KATNAL1: variants seen among roughly 807,000 people sequenced by gnomAD.
KATNAL1 encodes katanin catalytic subunit A1 like 1.
A neutral mutation model predicts 55.2 loss-of-function variants in KATNAL1; 32 were observed. The ratio of observed to expected loss-of-function variants is 0.58; its 90% CI spans 0.44 to 0.78. The LOEUF is 0.78. Among genes scored for constraint, KATNAL1 ranks in the 30% least tolerant of loss-of-function variants. The probability of loss-of-function intolerance (pLI) is 0.00; values close to 1 mark genes in which losing one functional copy is unlikely to be tolerated. For missense variants in KATNAL1, 466 were observed against 600.9 expected (o/e 0.78, Z 2.35); for synonymous variants, 193 against 193.6 (o/e 1.00, Z 0.02).
chr13:30,265,074 G>A (rs1593912297), intron 3 of KATNAL1, among the ~76,000 whole-genome samples: 2 of 151,492 alleles, frequency 1.3e-5, no homozygotes, highest in East Asian at 3.9e-4. Context: ...TCCCTTGTAG[G>A]GACATGGATG....
intron 4 of KATNAL1, among the ~76,000 whole-genome samples, chr13:30,254,747 C>A (rs762293241): frequency 6.6e-6 from 1 of 152,014 alleles, no homozygotes; most frequent in Admixed American, 6.5e-5. Flanking sequence ...TATGACATCA[C>A]GGTGGAAACA....
intron 9 of KATNAL1, among the ~76,000 whole-genome samples, chr13:30,224,724 T>C (rs1875266842): frequency 1.3e-5 from 2 of 152,212 alleles, no homozygotes; most frequent in African/African-American, 2.4e-5. Context: ...ATTAACAATA[T>C]TGATAAATTT....
intron 4 of KATNAL1, among the ~76,000 whole-genome samples, chr13:30,253,396 T>G (rs2137457353): frequency 6.6e-6 from 1 of 152,290 alleles, no homozygotes; most frequent in Admixed American, 6.5e-5. Context: ...AACTAAGATT[T>G]AGAAAATCAT....
In KATNAL1 at chr13:30,231,341, C is replaced by T. The variant is rs1237482502; in HGVS notation, c.858G>A (p.Glu286=). ...TLTSKYRGES[E]KLVRLLFEMA... is the part of the protein sequence containing the mutation. Reference sequence around the variant, plus strand: ...TCTCAAACAACAGACGAACTAACTTCTCAGATTCACCTCTGTATTTAGATG... The same window carrying T: ...TCTCAAACAACAGACGAACTAACTTTTCAGATTCACCTCTGTATTTAGATG... The change falls in exon 7 of 11, where the codon GAG becomes GAA. Residue 286 remains glutamate (E), a synonymous_variant. Transcript: ENST00000380615. 1 of 1,607,220 alleles carries T rather than the reference C, an allele frequency of 6.2e-7. No individual in the cohort carries two copies. Among genetic ancestry groups the T allele is most frequent in the Non-Finnish European group, 8.5e-7 (1 of 1,176,842 alleles).
At chr13:30,253,497 A>G (rs973321283) in intron 4 of KATNAL1, among the ~76,000 whole-genome samples, 2 of 152,014 alleles carry the variant, frequency 1.3e-5, no homozygotes, top group African/African-American at 4.8e-5. Flanking sequence ...CAACGCCTCC[A>G]CTAAAAATAC....
chr13:30,256,634 A>G lies in KATNAL1; in HGVS notation c.324-1019T>C, dbSNP rs544439220. Among the ~76,000 whole-genome samples the G allele has an allele frequency of 2.0e-5, 3 of 152,188 alleles. No homozygotes were observed. In the South Asian group the frequency reaches 6.2e-4, roughly 32 times the overall value. The stretch of plus-strand genomic sequence containing the variant: ...AAAAGGTGACACATATGCATAATTC[A>G]AAGATAGGAAAATGGATAAAAAGCC... On this transcript the variant is annotated intron_variant, in intron 3 of 10. Transcript: ENST00000380615.
chr13:30,282,562 C>T (rs1566127271), intron 2 of KATNAL1, among the ~76,000 whole-genome samples: 1 of 151,618 alleles, frequency 6.6e-6, no homozygotes, highest in African/African-American at 2.4e-5. Context: ...CGCTTGAGCC[C>T]AGGAGTTTGA....
chr13:30,251,139 C>CA (rs34899786), intron 4 of KATNAL1, among the ~76,000 whole-genome samples: 36,078 of 85,656 alleles, frequency 0.42, 6,791 homozygotes, highest in Admixed American at 0.51. Context: ...GACTCTGCCT[C>CA]AAAAAAAAAA....
chr13:30,224,830 A>G (rs1875279615), intron 9 of KATNAL1, among the ~76,000 whole-genome samples: 1 of 152,212 alleles, frequency 6.6e-6, no homozygotes. Context: ...AAGGAAAATA[A>G]GGTGTGTAGA....
chr13:30,209,925 G>T lies in KATNAL1; in HGVS notation c.1274+391C>A, dbSNP rs771116585. Among the ~76,000 whole-genome samples, 3 of 152,098 alleles carry T rather than the reference G, an allele frequency of 2.0e-5. No homozygotes were observed. In the East Asian group the frequency reaches 5.8e-4, roughly 29 times the overall value. ...GCCTCCCGAGTAGCTGGAACTACAG[G>T]TGTCCGCCACCACACCTGGCTAATT... On this transcript the variant is annotated intron_variant, in intron 10 of 10. Transcript: ENST00000380615.
At chr13:30,257,179 A>C (rs1336836874) in intron 3 of KATNAL1, among the ~76,000 whole-genome samples, 1 of 150,838 alleles carries the variant, frequency 6.6e-6, no homozygotes, top group Admixed American at 6.6e-5. Context: ...TTTTTGACCT[A>C]ATTTTTTTTT....
At chr13:30,291,452 G>T (rs1017802422) in intron 1 of KATNAL1, among the ~76,000 whole-genome samples, 1 of 152,158 alleles carries the variant, frequency 6.6e-6, no homozygotes, top group African/African-American at 2.4e-5. Flanking sequence ...ATGTGTTTAT[G>T]AATAAAAACA....
chr13:30,248,026 T>C (rs550044442), intron 4 of KATNAL1, among the ~76,000 whole-genome samples: 1 of 152,308 alleles, frequency 6.6e-6, no homozygotes, highest in African/African-American at 2.4e-5. Context: ...TGCACTCCTA[T>C]TAAGACAGCC....
chr13:30,210,259 A>G, intron 10 of KATNAL1, 57 bp downstream of exon 10: 1 of 1,455,724 alleles, frequency 6.9e-7, no homozygotes, highest in Admixed American at 2.4e-5. Context: ...CTTTAAGACC[A>G]GTCCTCCTGC....
chr13:30,228,544 CAATTTTAAACACCT>C (rs928968330), intron 8 of KATNAL1, among the ~76,000 whole-genome samples: 4 of 152,184 alleles, frequency 2.6e-5, no homozygotes, highest in Non-Finnish European at 5.9e-5. Context: ...TTTCCTTTTC[CAATTTTAAACACCT>C]AATGTTTTCT....
chr13:30,301,295 G>A (rs1882838324), intron 1 of KATNAL1, among the ~76,000 whole-genome samples: 1 of 152,138 alleles, frequency 6.6e-6, no homozygotes, highest in South Asian at 2.1e-4. Flanking sequence ...TTGAACCCAG[G>A]AGACGGAGGT....
chr13:30,238,558 T>C (rs756055824), intron 6 of KATNAL1, among the ~76,000 whole-genome samples: 1 of 152,232 alleles, frequency 6.6e-6, no homozygotes, highest in Non-Finnish European at 1.5e-5. Context: ...ATCTCCAAAA[T>C]GTCTCCTCCA....
rs372639129 is a variant in KATNAL1 at position 30,240,440 on chromosome 13, C to G, written c.726+20G>C. 8.5e-6 allele frequency: 13 copies of G among 1,526,108 alleles called. No individual in the cohort carries two copies. The African/African-American group carries it at 1.4e-4, about 16-fold the overall frequency. The allele number at this position is 1,526,108 out of a possible 1,614,324, so 94.5% of individuals were successfully genotyped here. ...GCCAAGTAGCATTCTTATATCAAAA[C>G]CAATTTAATAAATTCTCACCTTCCA... On this transcript the variant is annotated intron_variant, in intron 6 of 10. Transcript: ENST00000380615.
In KATNAL1 at chr13:30,236,981, C is replaced by G. The variant is rs141220273; in HGVS notation, c.726+3479G>C. On this transcript the variant is annotated intron_variant, in intron 6 of 10. Transcript: ENST00000380615. ...AGGGTCACCTGCTCTGGGAGGCCAT[C>G]CCTGATATTATTCTCCACAGCAGAC... Among the ~76,000 whole-genome samples, 218 of 152,312 alleles carry G rather than the reference C, an allele frequency of 1.4e-3. 1 individual carries two copies. Among genetic ancestry groups the G allele is most frequent in the African/African-American group, 5.0e-3 (206 of 41,570 alleles).
Sources: allele counts gnomAD v4.1 joint callset (sites outside exome capture counted in the v4.1 genomes callset), GRCh38; gene constraint gnomAD v4.1.1; transcripts MANE v1.5; gene names NCBI Gene and HGNC (gene_info 2026-07-23, HGNC 2026-07-21).